Variants in MAEA observed in about 807,000 individuals in gnomAD.
MAEA encodes the protein E3 ubiquitin-protein transferase MAEA.
MAEA carries 22 observed loss-of-function variants against 46.2 expected under a neutral mutation model. That is an observed-to-expected ratio of 0.48 (90% CI 0.34 to 0.68). MAEA has a LOEUF of 0.68. MAEA is among the 30% of genes least tolerant of loss of function. MAEA has a pLI of 0.01. For missense variants in MAEA, 393 were observed against 558.1 expected, an observed-to-expected ratio of 0.70 and a Z score of 2.98; for synonymous variants, 246 against 222.6, an observed-to-expected ratio of 1.11 and a Z score of -0.94.
rs922838135 is a variant in MAEA, at chr4:1,327,114, C to T, written c.580-513C>T. ...GTCTCCTCCCCACCCGGGGCATCAG[C>T]GCCTCGGGACAGGACTTGCCCACGT... On this transcript the variant is annotated intron_variant, in intron 4 of 8. Coordinates refer to ENST00000303400, the MANE Select transcript of MAEA (RefSeq NM_001017405.3). Among the ~76,000 whole-genome samples, 5 of 152,248 alleles carry T rather than the reference C, an allele frequency of 3.3e-5. No individual in the cohort carries two copies. The South Asian group carries it at 6.2e-4, about 19-fold the overall frequency.
intron 2 of MAEA, among the ~76,000 whole-genome samples, chr4:1,314,865 A>G (rs1264054693): frequency 2.0e-5 from 3 of 152,360 alleles, no homozygotes. Flanking sequence ...TCCAGTAGTC[A>G]GTCGCCGTGT....
chr4:1,297,952 C>G (rs1050799056), intron 1 of MAEA: 4 of 455,834 alleles, frequency 8.8e-6, no homozygotes, highest in Admixed American at 7.1e-5. Flanking sequence ...TCCCATTGTT[C>G]TAGAACATTC....
intron 3 of MAEA, among the ~76,000 whole-genome samples, chr4:1,317,657 A>G (rs1737465888): frequency 6.6e-6 from 1 of 152,090 alleles, no homozygotes; most frequent in Non-Finnish European, 1.5e-5. Flanking sequence ...TCATCTGCCC[A>G]GACCTGCACA....
At chr4:1,319,437 G>A (rs896251561) in intron 3 of MAEA, among the ~76,000 whole-genome samples, 3 of 152,054 alleles carry the variant, frequency 2.0e-5, no homozygotes, top group Non-Finnish European at 2.9e-5. Context: ...GTTGACGTAC[G>A]AGCCTGCTGC....
At chr4:1,309,514 G>T (rs2108898453) in intron 1 of MAEA, 1 of 1,354,122 alleles carries the variant, frequency 7.4e-7, no homozygotes, top group Non-Finnish European at 9.6e-7. Context: ...CCTGCTGGAG[G>T]GAGAGGGGGT....
At chr4:1,328,958 C>T in intron 5 of MAEA, 2 of 992,580 alleles carry the variant, frequency 2.0e-6, no homozygotes, top group Non-Finnish European at 2.4e-6. Context: ...CGGCCAGGGG[C>T]CCCCTGTCAA....
At chr4:1,329,359 T>A (rs1739250368) in intron 5 of MAEA, 1 of 985,366 alleles carries the variant, frequency 1.0e-6, no homozygotes, top group African/African-American at 1.7e-5. Flanking sequence ...CTGGGTAGAA[T>A]CTGCCCTAGA....
intron 3 of MAEA, 141 bp from the exon 4 acceptor site, chr4:1,322,240 G>A (rs1738222673): frequency 2.5e-6 from 3 of 1,183,258 alleles, no homozygotes; most frequent in South Asian, 1.4e-5. Context: ...GTCCACGAGT[G>A]CAGACCCACA....
chr4:1,314,384 A>C (rs1335470739), intron 2 of MAEA, among the ~76,000 whole-genome samples: 1 of 130,424 alleles, frequency 7.7e-6, no homozygotes, highest in Admixed American at 7.4e-5. Flanking sequence ...AAATATAATA[A>C]CCAAAAATGA....
At chr4:1,314,734 T>C (rs925193129) in intron 2 of MAEA, among the ~76,000 whole-genome samples, 4 of 152,346 alleles carry the variant, frequency 2.6e-5, no homozygotes, top group African/African-American at 4.8e-5. Context: ...GAAAAGCTCC[T>C]GAGGGCAAAA....
At chr4:1,314,313 C>G (rs1736863712) in intron 2 of MAEA, among the ~76,000 whole-genome samples, 1 of 147,668 alleles carries the variant, frequency 6.8e-6, no homozygotes, top group African/African-American at 2.6e-5. Context: ...CACAGAGACT[C>G]TGTCTCCAAA....
At chr4:1,324,670 G>C (rs1328010069) in intron 4 of MAEA, among the ~76,000 whole-genome samples, 2 of 129,362 alleles carry the variant, frequency 1.5e-5, no homozygotes, top group Non-Finnish European at 3.2e-5. Flanking sequence ...CCTGGTGGAT[G>C]AGTGTGTCTG....
chr4:1,319,123 G>A (rs921345350), intron 3 of MAEA, among the ~76,000 whole-genome samples: 23 of 152,208 alleles, frequency 1.5e-4, no homozygotes, highest in African/African-American at 4.1e-4. Context: ...AGGCTGAGGC[G>A]AGCGGATCTG....
At chr4:1,316,880 G>A (rs1577184551) in intron 3 of MAEA, among the ~76,000 whole-genome samples, 3 of 147,734 alleles carry the variant, frequency 2.0e-5, no homozygotes, top group South Asian at 4.3e-4. Flanking sequence ...CTCCTGTCAC[G>A]CTCCTGCCCA....
chr4:1,290,473 C>T (rs1304125026), intron 1 of MAEA, among the ~76,000 whole-genome samples: 2 of 152,186 alleles, frequency 1.3e-5, no homozygotes, highest in African/African-American at 4.8e-5. Context: ...TGGGCGTCAC[C>T]AAACCTGAAA....
At position 1,301,804 on chromosome 4, in the gene MAEA, AGTT is replaced by A. The variant is rs1337084472; in HGVS notation, c.70-10171_70-10169del. On this transcript the variant is annotated intron_variant, in intron 1 of 8. Coordinates refer to ENST00000303400, the MANE Select transcript of MAEA (RefSeq NM_001017405.3). ...AAAAGTGTTAGGTTGAATCATATACAGTTGTTATTTTTGTAAGTTAAAAGTGAT... is the reference window on the plus strand; with the variant it reads ...AAAAGTGTTAGGTTGAATCATATACAGTTATTTTTGTAAGTTAAAAGTGAT... Among the ~76,000 whole-genome samples, 4 of 152,270 alleles carry A rather than the reference AGTT, an allele frequency of 2.6e-5. No individual in the cohort carries two copies. In the East Asian group the frequency reaches 5.8e-4, roughly 22 times the overall value.
chr4:1,316,707 T>C (rs1260684887), intron 3 of MAEA, among the ~76,000 whole-genome samples: 1 of 152,116 alleles, frequency 6.6e-6, no homozygotes, highest in African/African-American at 2.4e-5. Flanking sequence ...TGGGGCATCA[T>C]GGGCCTCAGC....
chr4:1,311,271 G>A lies in MAEA; in HGVS notation c.70-708G>A, dbSNP rs887646418. Among the ~76,000 whole-genome samples, 12 of 152,250 alleles carry A rather than the reference G, an allele frequency of 7.9e-5. No homozygotes were observed. Among genetic ancestry groups the A allele is most frequent in the Non-Finnish European group, 1.3e-4 (9 of 68,024 alleles). ...AGCCCGGCCACGGAGGCCGGGGAGC[G>A]CTGGGGCGTGATTCTGTCGTGCCGC... On this transcript the variant is annotated intron_variant, in intron 1 of 8. Coordinates refer to ENST00000303400, the MANE Select transcript of MAEA (RefSeq NM_001017405.3). The surrounding 1 kb of genome is among the most constrained non-coding windows in gnomAD (Gnocchi z 4.4).
chr4:1,309,641 G>A lies in MAEA; in HGVS notation c.70-2338G>A, dbSNP rs753946643. On this transcript the variant is annotated intron_variant, in intron 1 of 8. Transcript: ENST00000303400. Reference sequence around the variant, plus strand: ...GGCGTGGGAGGCCTGAGGAGTAAGCGGCTGGATGTGGACCCTGAGAGCCAC... The same window carrying A: ...GGCGTGGGAGGCCTGAGGAGTAAGCAGCTGGATGTGGACCCTGAGAGCCAC... The A allele has an allele frequency of 4.6e-6, 7 of 1,530,398 alleles. No homozygotes were observed. In the East Asian group the frequency reaches 1.2e-4, roughly 27 times the overall value. 94.8% of individuals were successfully genotyped at this position (1,530,398 alleles called of 1,614,324 possible). A position where few individuals can be genotyped will look rare whatever the true frequency, so the allele number is the denominator to read the frequency against.
Sources: gnomAD v4.1 joint callset for allele counts (sites outside exome capture counted in the v4.1 genomes callset) on GRCh38, gnomAD v4.1.1 for gene constraint, Gnocchi (gnomAD v3.1) non-coding constraint, MANE v1.5 for transcripts, NCBI Gene and HGNC (gene_info 2026-07-23, HGNC 2026-07-21) for gene names.